DLG2: variants seen among roughly 807,000 people sequenced by gnomAD.
The protein encoded by DLG2 is discs large MAGUK scaffold protein 2, also known as disks large homolog 2.
Under a neutral mutation model 132.5 loss-of-function variants are expected in DLG2, and 45 were observed. That is an observed-to-expected ratio of 0.34 (90% CI 0.27 to 0.44). The LOEUF (loss-of-function observed/expected upper bound fraction) is 0.44, where lower values mean the gene tolerates loss of function less well. Ranked by LOEUF, DLG2 falls within the 20% of genes least tolerant of loss-of-function variation. DLG2 has a pLI of 1.00. For missense variants in DLG2, 1,045 were observed against 1,196.9 expected, an observed-to-expected ratio of 0.87 and a Z score of 1.87; for synonymous variants, 424 against 419.6, an observed-to-expected ratio of 1.01 and a Z score of -0.13.
chr11:84,149,012 G>A (rs1210843525), intron 9 of DLG2, among the ~76,000 whole-genome samples: 1 of 152,094 alleles, frequency 6.6e-6, no homozygotes, highest in African/African-American at 2.4e-5. Context: ...CTACTTGTAT[G>A]ACTTCTCTTG....
intron 6 of DLG2, among the ~76,000 whole-genome samples, chr11:84,620,225 G>A (rs1940082): frequency 0.043 from 6,476 of 151,774 alleles, 202 homozygotes; most frequent in Non-Finnish European, 0.069. Context: ...TAAGTAAGGG[G>A]AGAAGAAAGA....
chr11:84,503,132 GT>G (rs142953154), intron 7 of DLG2, among the ~76,000 whole-genome samples: 4 of 152,328 alleles, frequency 2.6e-5, no homozygotes, highest in Non-Finnish European at 4.4e-5. Flanking sequence ...GGTGTAATCT[GT>G]TGGAAAAGTG....
At chr11:85,048,934 T>C (rs1462103513) in intron 6 of DLG2, among the ~76,000 whole-genome samples, 1 of 152,048 alleles carries the variant, frequency 6.6e-6, no homozygotes, top group African/African-American at 2.4e-5. Flanking sequence ...AGTTCTTCCC[T>C]TTAGCCAGCA....
At chr11:84,217,879 A>G (rs1026904762) in intron 8 of DLG2, among the ~76,000 whole-genome samples, 3 of 152,200 alleles carry the variant, frequency 2.0e-5, no homozygotes, top group African/African-American at 7.2e-5. Context: ...TAGAAAGTAG[A>G]ACCTGTGGCC....
At chr11:85,543,113 T>A (rs2076079894) in intron 3 of DLG2, among the ~76,000 whole-genome samples, 9 of 152,128 alleles carry the variant, frequency 5.9e-5, no homozygotes, top group Admixed American at 3.3e-4. Context: ...CATTAGGCAT[T>A]TCTACTAATG....
intron 8 of DLG2, among the ~76,000 whole-genome samples, chr11:84,220,780 C>CTTTTTTTTTT (rs5793114): frequency 4.5e-3 from 347 of 77,102 alleles, no homozygotes; most frequent in Non-Finnish European, 5.5e-3. Context: ...TTTTTCTTTT[C>CTTTTTTTTTT]TTTTTTTTTT....
intron 6 of DLG2, among the ~76,000 whole-genome samples, chr11:84,900,943 TA>T (rs892746179): frequency 2.0e-5 from 3 of 152,094 alleles, no homozygotes; most frequent in Non-Finnish European, 2.9e-5. Flanking sequence ...GAATTTATTA[TA>T]ATTCTCTAAA....
At chr11:84,043,211 T>A (rs965322932) in intron 11 of DLG2, among the ~76,000 whole-genome samples, 16 of 151,558 alleles carry the variant, frequency 1.1e-4, no homozygotes, top group African/African-American at 3.9e-4. Context: ...TAAATAAATT[T>A]AAAAAATTTA....
chr11:85,450,999 T>A (rs2153042626), intron 3 of DLG2, among the ~76,000 whole-genome samples: 1 of 152,266 alleles, frequency 6.6e-6, no homozygotes, highest in East Asian at 1.9e-4. Flanking sequence ...GACTTTATAT[T>A]ATTCACATGC....
At chr11:84,480,564 A>G (rs1334746646) in intron 7 of DLG2, among the ~76,000 whole-genome samples, 2 of 152,148 alleles carry the variant, frequency 1.3e-5, no homozygotes, top group African/African-American at 2.4e-5. Flanking sequence ...AAAGAAAAAA[A>G]TGGTATACAC....
intron 18 of DLG2, among the ~76,000 whole-genome samples, chr11:83,768,486 T>C (rs772181322): frequency 2.6e-5 from 4 of 152,232 alleles, no homozygotes; most frequent in Non-Finnish European, 5.9e-5. Context: ...TTAGACCAAA[T>C]GACATTCAGA....
chr11:84,250,882 A>C (rs1598375976), intron 8 of DLG2, among the ~76,000 whole-genome samples: 1 of 152,250 alleles, frequency 6.6e-6, no homozygotes, highest in East Asian at 1.9e-4. Context: ...GTTCCAGACT[A>C]TCACAGAAAT....
chr11:83,488,963 G>A (rs182102443), intron 21 of DLG2, among the ~76,000 whole-genome samples: 1 of 152,084 alleles, frequency 6.6e-6, no homozygotes, highest in Admixed American at 6.6e-5. Flanking sequence ...AGATATATCT[G>A]CTTACAGAAA....
chr11:83,632,179 T>C (rs1591326686), intron 19 of DLG2: 1 of 152,210 alleles, frequency 6.6e-6, no homozygotes, highest in Non-Finnish European at 1.5e-5. Flanking sequence ...CACTCCCTTC[T>C]TAGCCCTGCT....
intron 18 of DLG2, among the ~76,000 whole-genome samples, chr11:83,763,135 A>G (rs1480131535): frequency 2.0e-5 from 3 of 152,122 alleles, no homozygotes; most frequent in African/African-American, 7.2e-5. Context: ...CTGTTACATC[A>G]CGTTTTAGCA....
At chr11:83,720,068 G>A (rs1239367214) in intron 18 of DLG2, among the ~76,000 whole-genome samples, 3 of 151,574 alleles carry the variant, frequency 2.0e-5, no homozygotes, top group South Asian at 4.2e-4. Context: ...CGAGGTGGAC[G>A]GATCACCTGA....
intron 15 of DLG2, among the ~76,000 whole-genome samples, chr11:83,909,949 GATC>G (rs2075759791): frequency 6.6e-6 from 1 of 152,174 alleles, no homozygotes; most frequent in Admixed American, 6.6e-5. Context: ...CCTAGAAAGT[GATC>G]CACTGGAGAT....
At chr11:84,556,799 A>G (rs1480556724) in intron 6 of DLG2, among the ~76,000 whole-genome samples, 1 of 152,232 alleles carries the variant, frequency 6.6e-6, no homozygotes, top group Non-Finnish European at 1.5e-5. Context: ...GCTCCCACTT[A>G]TAATTGAGAA....
chr11:84,597,331 G>A (rs2099563912), intron 6 of DLG2, among the ~76,000 whole-genome samples: 1 of 152,168 alleles, frequency 6.6e-6, no homozygotes, highest in Non-Finnish European at 1.5e-5. Context: ...GATAATGATA[G>A]AGGAAGTACT....
Sources: allele counts gnomAD v4.1 joint callset (sites outside exome capture counted in the v4.1 genomes callset), GRCh38; gene constraint gnomAD v4.1.1; transcripts MANE v1.5; gene names NCBI Gene and HGNC (gene_info 2026-07-23, HGNC 2026-07-21).